Variants in GALNT9 observed in about 807,000 individuals in gnomAD.
GALNT9 encodes GalNAc transferase 9.
In GALNT9, 47 loss-of-function variants were observed where a neutral mutation model predicts 63.1. That is an observed-to-expected ratio of 0.75 (90% CI 0.59 to 0.95). The LOEUF is 0.95. Among genes scored for constraint, GALNT9 ranks in the 40% least tolerant of loss-of-function variants. The probability of loss-of-function intolerance (pLI) is 0.00; values close to 1 mark genes in which losing one functional copy is unlikely to be tolerated. For synonymous variants in GALNT9, 396 were observed against 365.7 expected, an observed-to-expected ratio of 1.08 and a Z score of -0.94; for missense variants, 829 against 874.8, an observed-to-expected ratio of 0.95 and a Z score of 0.66.
At chr12:132,267,783 A>ACT (rs1566006073) in intron 2 of GALNT9, among the ~76,000 whole-genome samples, 6 of 124,816 alleles carry the variant, frequency 4.8e-5, no homozygotes, top group African/African-American at 2.1e-4. Flanking sequence ...ACACACACGC[A>ACT]CACACACGCA....
At chr12:132,314,089 C>T (rs1555245531) in intron 1 of GALNT9, among the ~76,000 whole-genome samples, 2 of 102,450 alleles carry the variant, frequency 2.0e-5, no homozygotes, top group African/African-American at 3.6e-5. Flanking sequence ...ATACATCCAT[C>T]CACTCACCCA....
intron 1 of GALNT9, among the ~76,000 whole-genome samples, chr12:132,287,050 T>C (rs57723256): frequency 0.2 from 21,594 of 108,058 alleles, 2,239 homozygotes; most frequent in African/African-American, 0.28. Flanking sequence ...GGTGTGACAC[T>C]GAGTGAGCGC....
At chr12:132,258,840 G>T (rs1203693010) in intron 4 of GALNT9, among the ~76,000 whole-genome samples, 4 of 152,206 alleles carry the variant, frequency 2.6e-5, no homozygotes, top group Non-Finnish European at 5.9e-5. Context: ...GGCCGCAGAG[G>T]CCCGCCGTCC....
intron 1 of GALNT9, among the ~76,000 whole-genome samples, chr12:132,288,597 G>A (rs1232576532): frequency 9.2e-5 from 14 of 152,248 alleles, no homozygotes; most frequent in Admixed American, 5.2e-4. Flanking sequence ...GTAGCTGAGC[G>A]TGGTTCCAGA....
At position 132,310,269 on chromosome 12, in the gene GALNT9, G is replaced by A. The variant is rs1036561212; in HGVS notation, c.238+18697C>T. Among the ~76,000 whole-genome samples, 2 of 152,142 alleles carry A rather than the reference G, an allele frequency of 1.3e-5. No homozygotes were observed. Among genetic ancestry groups the A allele is most frequent in the Admixed American group, 6.5e-5 (1 of 15,280 alleles). On this transcript the variant is annotated intron_variant, in intron 1 of 10. Transcript: ENST00000328957. This position sits in a 1 kb window ranked among gnomAD's most constrained non-coding sequence, Gnocchi z 4.8. ...GGTCTCACCGGCCACACCGCGGTTC[G>A]GCATTTCAGTTGGGGTCGGTAACAC...
In GALNT9 at chr12:132,261,134, C is replaced by T. The variant is rs370619993; in HGVS notation, c.587-12G>A. 83 of 1,550,002 alleles carry T rather than the reference C, an allele frequency of 5.4e-5. No homozygotes were observed. In the African/African-American group the frequency reaches 5.6e-4, roughly 10 times the overall value. On this transcript the variant is annotated splice_polypyrimidine_tract_variant and intron_variant, in intron 3 of 10. Transcript: ENST00000328957. Reference sequence around the variant, plus strand: ...GAACTTGAGTTCCACTGAGGAGAGACAAGACTTTAGCACGCTGGCAGGTGC... The same window carrying T: ...GAACTTGAGTTCCACTGAGGAGAGATAAGACTTTAGCACGCTGGCAGGTGC...
chr12:132,317,760 C>G (rs1868589832), intron 1 of GALNT9, among the ~76,000 whole-genome samples: 1 of 152,188 alleles, frequency 6.6e-6, no homozygotes, highest in African/African-American at 2.4e-5. Flanking sequence ...CGGGGCCCAG[C>G]CTTGTCCCTT....
At chr12:132,201,908 G>C (rs1876163320) in intron 7 of GALNT9, among the ~76,000 whole-genome samples, 2 of 125,964 alleles carry the variant, frequency 1.6e-5, no homozygotes, top group Non-Finnish European at 1.8e-5. Context: ...GGGCCTGAGA[G>C]GCTGTAGGGA....
intron 7 of GALNT9, 154 bp from the exon 8 acceptor site, chr12:132,201,415 C>A (rs1414582535): frequency 5.0e-6 from 3 of 604,716 alleles, no homozygotes; most frequent in Non-Finnish European, 8.8e-6. Context: ...CAGTTGGGAC[C>A]CCCCAGCCTC....
At chr12:132,293,414 G>A (rs1880933245) in intron 1 of GALNT9, among the ~76,000 whole-genome samples, 1 of 152,202 alleles carries the variant, frequency 6.6e-6, no homozygotes, top group Non-Finnish European at 1.5e-5. Flanking sequence ...TCTGCATAAA[G>A]ATGCCTTATT....
In GALNT9 at chr12:132,327,846, C is replaced by G. The variant is rs1332590674; in HGVS notation, c.238+1120G>C. Among the ~76,000 whole-genome samples the G allele has an allele frequency of 6.6e-6, 1 of 151,366 alleles. No homozygotes were observed. Among genetic ancestry groups the G allele is most frequent in the African/African-American group, 2.4e-5 (1 of 41,140 alleles). On this transcript the variant is annotated intron_variant, in intron 1 of 10. Coordinates refer to ENST00000328957, the MANE Select transcript of GALNT9 (RefSeq NM_001122636.2). The surrounding 1 kb of genome is among the most constrained non-coding windows in gnomAD (Gnocchi z 4.3). ...CCACGGCCTGTCTGCAGCCCACCCT[C>G]AAGAGAGGGTGTGGCTCCTGAAGGA...
chr12:132,205,018 C>T (rs751840429), intron 6 of GALNT9, among the ~76,000 whole-genome samples: 5 of 152,094 alleles, frequency 3.3e-5, no homozygotes, highest in Non-Finnish European at 5.9e-5. Flanking sequence ...GTGCCGAGGC[C>T]GAGGGTGGTG....
intron 6 of GALNT9, among the ~76,000 whole-genome samples, chr12:132,225,931 A>G (rs1183108385): frequency 7.7e-6 from 1 of 130,382 alleles, no homozygotes; most frequent in Non-Finnish European, 1.6e-5. Flanking sequence ...TATACAACCC[A>G]CACACACACC....
At chr12:132,247,323 A>G (rs1038265628) in intron 6 of GALNT9, 26 of 342,198 alleles carry the variant, frequency 7.6e-5, no homozygotes, top group Non-Finnish European at 1.4e-4. Context: ...AAACAGCAAA[A>G]CAAAGGGCAT....
chr12:132,197,761 A>ACCCCCCCGCCC, intron 10 of GALNT9, 31 bp downstream of exon 10: 3 of 1,426,288 alleles, frequency 2.1e-6, no homozygotes, highest in East Asian at 2.5e-5. Context: ...CCCCGCCCCA[A>ACCCCCCCGCCC]CCCCACGGCC....
chr12:132,214,174 G>C (rs1193877759), intron 6 of GALNT9, among the ~76,000 whole-genome samples: 1 of 152,200 alleles, frequency 6.6e-6, no homozygotes, highest in Non-Finnish European at 1.5e-5. Context: ...TGAGGTCCCT[G>C]ATGGTGGCTC....
At chr12:132,320,218 T>G (rs200670669) in intron 1 of GALNT9, among the ~76,000 whole-genome samples, 26 of 151,702 alleles carry the variant, frequency 1.7e-4, no homozygotes, top group Non-Finnish European at 3.7e-4. Flanking sequence ...TTTATTTTTA[T>G]TTGTTGTTGT....
chr12:132,197,357 T>C, intron 10 of GALNT9, 104 bp from the exon 11 acceptor site: 1 of 1,494,440 alleles, frequency 6.7e-7, no homozygotes, highest in Non-Finnish European at 8.9e-7. Context: ...GTGCTCATTC[T>C]TGGGGCAGCT....
At chr12:132,239,629 GAGAGACAGAGTCAGAGACAGAGTC>G (rs200709309) in intron 6 of GALNT9, among the ~76,000 whole-genome samples, 2 of 147,792 alleles carry the variant, frequency 1.4e-5, no homozygotes, top group East Asian at 2.0e-4. Context: ...CTGAGAGACA[GAGAGACAGAGTCAGAGACAGAGTC>G]AGAGACAGAG....
Sources: allele counts gnomAD v4.1 joint callset (sites outside exome capture counted in the v4.1 genomes callset), GRCh38; gene constraint gnomAD v4.1.1; non-coding constraint Gnocchi (gnomAD v3.1); transcripts MANE v1.5; gene names NCBI Gene and HGNC (gene_info 2026-07-23, HGNC 2026-07-21).